The following NEDD4 variants were observed in gnomAD, a reference collection of about 807,000 sequenced individuals.
NEDD4 encodes E3 ubiquitin-protein ligase NEDD4.
In NEDD4, 99 loss-of-function variants were observed where a neutral mutation model predicts 144.9. The observed-to-expected ratio is 0.68, with a 90% confidence interval of 0.58 to 0.81. The LOEUF is 0.81. Ranked by LOEUF, NEDD4 falls within the 30% of genes least tolerant of loss-of-function variation. The pLI is 0.00. For synonymous variants in NEDD4, 318 were observed against 350.6 expected (o/e 0.91, Z 1.04); for missense variants, 985 against 1,065.9 (o/e 0.92, Z 1.06).
chr15:55,920,862 C>T (rs1368892823), intron 5 of NEDD4, among the ~76,000 whole-genome samples: 1 of 148,376 alleles, frequency 6.7e-6, no homozygotes, highest in Non-Finnish European at 1.5e-5. Context: ...CCTGCTAAGA[C>T]TAGCAACAAA....
chr15:55,961,807 C>T (rs952323729), intron 2 of NEDD4, among the ~76,000 whole-genome samples: 1 of 152,120 alleles, frequency 6.6e-6, no homozygotes, highest in East Asian at 1.9e-4. Flanking sequence ...TAAACTAATA[C>T]AGCCCATGTG....
intron 4 of NEDD4, among the ~76,000 whole-genome samples, chr15:55,949,342 C>T (rs1368872599): frequency 6.6e-6 from 1 of 152,160 alleles, no homozygotes; most frequent in Non-Finnish European, 1.5e-5. Flanking sequence ...AATACTTTTA[C>T]ACTGTTGGTG....
At chr15:55,845,270 TCA>T (rs1222410669) in intron 18 of NEDD4, among the ~76,000 whole-genome samples, 2 of 152,192 alleles carry the variant, frequency 1.3e-5, no homozygotes, top group Non-Finnish European at 2.9e-5. Flanking sequence ...ATTCTCTTAG[TCA>T]CCAATATGAC....
At chr15:55,839,537 C>T (rs936943048) in intron 21 of NEDD4, among the ~76,000 whole-genome samples, 11 of 152,072 alleles carry the variant, frequency 7.2e-5, no homozygotes, top group African/African-American at 2.7e-4. Context: ...GGAAGATGCC[C>T]TGGAATTCAT....
At chr15:55,872,266 A>C in intron 7 of NEDD4, 149 bp downstream of exon 7, 1 of 225,930 alleles carries the variant, frequency 4.4e-6, no homozygotes, top group Non-Finnish European at 8.8e-6. Flanking sequence ...ATAGCAATGA[A>C]GCTTTTAAAA....
intron 5 of NEDD4, among the ~76,000 whole-genome samples, chr15:55,894,981 T>C (rs550943849): frequency 2.6e-5 from 4 of 152,192 alleles, no homozygotes; most frequent in Non-Finnish European, 5.9e-5. Context: ...TTTGCATTTG[T>C]TTCAACTTTC....
chr15:55,992,015 T>C (rs890369489), intron 1 of NEDD4: 2 of 152,296 alleles, frequency 1.3e-5, no homozygotes, highest in African/African-American at 4.8e-5. Flanking sequence ...CCTGTGAATA[T>C]AGCAGGGAAA....
At chr15:55,975,350 C>T (rs1224135835) in intron 1 of NEDD4, among the ~76,000 whole-genome samples, 7 of 152,108 alleles carry the variant, frequency 4.6e-5, no homozygotes, top group African/African-American at 1.7e-4. Context: ...AAAGACTCCA[C>T]CCAAAAGCTA....
chr15:55,830,026 T>G (rs1489462466), intron 28 of NEDD4, 27 bp from the exon 29 acceptor site: 1 of 1,526,176 alleles, frequency 6.6e-7, no homozygotes, highest in Admixed American at 1.7e-5. Context: ...GAAGTGGTTA[T>G]GAAAGACACT....
rs756244571 is a variant in NEDD4, at chr15:55,830,019, G to C, written c.2601-20C>G. The stretch of plus-strand genomic sequence containing the variant: ...TTAAAACTGAAAGAACAGAGAGGAA[G>C]TGGTTATGAAAGACACTGACAAAGC... On this transcript the variant is annotated intron_variant, in intron 28 of 28. Coordinates refer to ENST00000435532, the MANE Select transcript of NEDD4 (RefSeq NM_006154.4). The C allele has an allele frequency of 1.3e-6, 2 of 1,580,578 alleles. No individual in the cohort carries two copies. The highest frequency in any genetic ancestry group is 2.7e-5 in the African/African-American group (2 of 74,136).
chr15:55,844,256 G>C (rs1219324745), intron 18 of NEDD4, among the ~76,000 whole-genome samples: 3 of 152,184 alleles, frequency 2.0e-5, no homozygotes, highest in African/African-American at 7.2e-5. Flanking sequence ...GGGCCAGAGG[G>C]TGGACAGTGT....
At chr15:55,935,367 C>T (rs1280046761) in intron 4 of NEDD4, among the ~76,000 whole-genome samples, 1 of 152,062 alleles carries the variant, frequency 6.6e-6, no homozygotes, top group Non-Finnish European at 1.5e-5. Context: ...TATTGGGTGA[C>T]TATGTCTGTC....
intron 8 of NEDD4, among the ~76,000 whole-genome samples, chr15:55,869,365 C>T (rs2034693667): frequency 6.6e-6 from 1 of 152,178 alleles, no homozygotes; most frequent in Admixed American, 6.5e-5. Flanking sequence ...CTATTCTCTA[C>T]TCCTTAACCT....
Position 55,838,573 on chromosome 15 carries a change from A to G in NEDD4, c.2063T>C (p.Ile688Thr). The part of the protein sequence containing the change: ...DSEYYNSLRW[I>T]LENDPTELDL... ...CAATTCTGTTGGGTCATTTTCAAGAATCCATCTTAGGGAATTGTAATATTC... is the reference window on the plus strand; with the variant it reads ...CAATTCTGTTGGGTCATTTTCAAGAGTCCATCTTAGGGAATTGTAATATTC... The change falls in exon 22 of 29, where the codon ATT becomes ACT. Residue 688 changes from isoleucine (I) to threonine (T), a missense_variant. Transcript: ENST00000435532. 1 of 1,612,610 alleles carries G rather than the reference A, an allele frequency of 6.2e-7. No individual in the cohort carries two copies. Among genetic ancestry groups the G allele is most frequent in the Non-Finnish European group, 8.5e-7 (1 of 1,179,154 alleles).
intron 22 of NEDD4, 49 bp from the exon 23 acceptor site, chr15:55,838,229 T>G: frequency 7.8e-7 from 1 of 1,289,570 alleles, no homozygotes; most frequent in Non-Finnish European, 1.1e-6. Flanking sequence ...GAGAAAAATT[T>G]AAAAAGTATA....
intron 5 of NEDD4, among the ~76,000 whole-genome samples, chr15:55,877,240 CCTGT>C (rs1381808418): frequency 2.0e-5 from 3 of 152,122 alleles, no homozygotes; most frequent in East Asian, 3.8e-4. Flanking sequence ...ATTTAGTAGT[CCTGT>C]CTATTTAATT....
intron 1 of NEDD4, among the ~76,000 whole-genome samples, chr15:55,984,497 T>C (rs1230845105): frequency 6.6e-6 from 1 of 152,228 alleles, no homozygotes. Flanking sequence ...TTGCTATTTA[T>C]TTAGGTTGAC....
chr15:55,976,659 T>C (rs1474244425), intron 1 of NEDD4, among the ~76,000 whole-genome samples: 1 of 144,108 alleles, frequency 6.9e-6, no homozygotes, highest in African/African-American at 2.6e-5. Flanking sequence ...AGACGGAGGC[T>C]CGCTCTGTGG....
chr15:55,954,362 C>T (rs1231199622), intron 2 of NEDD4, among the ~76,000 whole-genome samples: 5 of 152,120 alleles, frequency 3.3e-5, no homozygotes, highest in Admixed American at 1.3e-4. Context: ...CCTCTGTTCT[C>T]TCTACATTTT....
Sources: gnomAD v4.1 joint callset for allele counts (sites outside exome capture counted in the v4.1 genomes callset) on GRCh38, gnomAD v4.1.1 for gene constraint, MANE v1.5 for transcripts, NCBI Gene and HGNC (gene_info 2026-07-23, HGNC 2026-07-21) for gene names.